KLK6: variants seen among roughly 807,000 people sequenced by gnomAD.
KLK6 encodes the protein kallikrein related peptidase 6, also known as kallikrein-6.
KLK6 carries 16 observed loss-of-function variants against 21.7 expected under a neutral mutation model. The observed-to-expected ratio is 0.74, with a 90% confidence interval of 0.50 to 1.12. The LOEUF is 1.12. Ranked by LOEUF, KLK6 falls within the 50% of genes most tolerant of loss-of-function variation. The probability of loss-of-function intolerance (pLI) is 0.00; values close to 1 mark genes in which losing one functional copy is unlikely to be tolerated. For missense variants in KLK6, 276 were observed against 304.6 expected, an observed-to-expected ratio of 0.91 and a Z score of 0.70; for synonymous variants, 116 against 120.1, an observed-to-expected ratio of 0.97 and a Z score of 0.22.
At chr19:50,966,502 A>T (rs2090927653) in intron 4 of KLK6, among the ~76,000 whole-genome samples, 1 of 152,212 alleles carries the variant, frequency 6.6e-6, no homozygotes, top group Non-Finnish European at 1.5e-5. Context: ...GGGTGCTTGT[A>T]AAAATGTAAA....
intron 6 of KLK6, among the ~76,000 whole-genome samples, chr19:50,959,767 AAGG>A (rs1342583446): frequency 4.8e-4 from 2 of 4,124 alleles, no homozygotes; most frequent in Non-Finnish European, 3.7e-4. Context: ...GGAAGAGGAG[AAGG>A]AGGAGGAGGA....
chr19:50,961,861 G>C lies in KLK6; in HGVS notation c.465C>G (p.Ile155Met), dbSNP rs779738082. The change falls in exon 6 of 7, where the codon ATC (isoleucine) becomes ATG (methionine). Residue 155 changes from isoleucine (I) to methionine (M), a missense_variant. By Grantham distance (10) the Ile-to-Met change is conservative. Transcript: ENST00000310157. ...KTADGDFPDT[I>M]QCAYIHLVSR... The stretch of plus-strand genomic sequence containing the variant: ...ACACCAGGTGGATGTATGCACACTG[G>C]ATGGTGTCAGGGAAATCACCTGTTA... 3.1e-6 allele frequency: 5 copies of C among 1,613,764 alleles called. No homozygotes were observed. The East Asian group carries it at 8.9e-5, about 29-fold the overall frequency.
intron 1 of KLK6, 122 bp from the exon 2 acceptor site, chr19:50,968,713 A>G: frequency 6.4e-6 from 1 of 156,424 alleles, no homozygotes; most frequent in Non-Finnish European, 1.4e-5. Flanking sequence ...GGCTGCAGGG[A>G]CTGCCAGACA....
chr19:50,968,167 C>A (rs2090957678), intron 2 of KLK6, 55 bp from the exon 3 acceptor site: 1 of 1,485,216 alleles, frequency 6.7e-7, no homozygotes, highest in Non-Finnish European at 9.4e-7. Context: ...TCCCCCCATC[C>A]CTCTGTCTGC....
At chr19:50,962,899 C>T (rs2090865462) in intron 5 of KLK6, 1 of 210,526 alleles carries the variant, frequency 4.8e-6, no homozygotes, top group Non-Finnish European at 9.7e-6. Flanking sequence ...CTTCAGTTGG[C>T]TTTTGTGCTT....
At position 50,965,290 on chromosome 19, in the gene KLK6, C is replaced by CT. The variant is rs60693532; in HGVS notation, c.198-1742dup. ...GCCCAATTTGCTGCTTCTTTCTTTC[C>CT]TTTTTTTTTTTTTAGACAGAGTCTC... is the stretch of plus-strand genomic sequence containing the variant. On this transcript the variant is annotated intron_variant, in intron 4 of 6. Transcript: ENST00000310157. 1.2e-3 allele frequency among the ~76,000 whole-genome samples: 157 copies of CT among 135,508 alleles called. 1 individual carries two copies. Among genetic ancestry groups the CT allele is most frequent in the Middle Eastern group, 4.2e-3 (1 of 236 alleles). The allele number at this position is 135,508 out of a possible 152,430, so 88.9% of individuals were successfully genotyped here. A position where few individuals can be genotyped will look rare whatever the true frequency, so the allele number is the denominator to read the frequency against.
At chr19:50,961,921 C>T in intron 5 of KLK6, 41 bp from the exon 6 acceptor site, 2 of 1,598,094 alleles carry the variant, frequency 1.3e-6, no homozygotes, top group East Asian at 2.2e-5. Flanking sequence ...CCAGGCCTTG[C>T]ACTCCCCTCA....
rs1034155503 is a variant in KLK6 at position 50,963,566 on chromosome 19, C to G, written c.198-17G>C. 5.6e-6 allele frequency: 9 copies of G among 1,613,172 alleles called. No homozygotes were observed. In the African/African-American group the frequency reaches 1.1e-4, roughly 19 times the overall value. ...TGAAGATTCCTGGGAAGGAAGAGGG[C>G]TGGGTCTCACCTGGAGCCCTTGGGC... is the stretch of plus-strand genomic sequence containing the variant. On this transcript the variant is annotated splice_polypyrimidine_tract_variant and intron_variant, in intron 4 of 6. Coordinates refer to ENST00000310157, the MANE Select transcript of KLK6 (RefSeq NM_002774.4).
At chr19:50,968,300 G>A (rs976319059) in intron 2 of KLK6, 188 bp from the exon 3 acceptor site, 4 of 647,086 alleles carry the variant, frequency 6.2e-6, no homozygotes, top group South Asian at 3.5e-5. Context: ...AGGATCCCAC[G>A]AAAACAGTGC....
intron 4 of KLK6, among the ~76,000 whole-genome samples, chr19:50,963,826 T>C (rs947290906): frequency 6.6e-6 from 1 of 152,198 alleles, no homozygotes; most frequent in Non-Finnish European, 1.5e-5. Flanking sequence ...CCATCTTGGT[T>C]TGAGCTGCCT....
chr19:50,966,201 G>T (rs1048751406), intron 4 of KLK6, among the ~76,000 whole-genome samples: 4 of 152,090 alleles, frequency 2.6e-5, no homozygotes, highest in African/African-American at 9.7e-5. Context: ...CACCCGGCCT[G>T]TTTCTCTTTC....
rs772152972 is a variant in KLK6, at chr19:50,963,447, G to A, written c.300C>T (p.Ala100=). The change falls in exon 5 of 7, where the codon GCC becomes GCT. Residue 100 remains alanine, a synonymous_variant. Transcript: ENST00000310157. ...VRAVIHPDYD[A]ASHDQDIMLL... The stretch of plus-strand genomic sequence containing the variant: ...GCATGATGTCCTGGTCATGGCTGGC[G>A]GCATCATAGTCAGGGTGGATCACAG... 10 of 1,614,174 alleles carry A rather than the reference G, an allele frequency of 6.2e-6. No individual in the cohort carries two copies. Among genetic ancestry groups the A allele is most frequent in the South Asian group, 1.1e-5 (1 of 91,086 alleles).
intron 4 of KLK6, among the ~76,000 whole-genome samples, chr19:50,964,051 C>T (rs2090888480): frequency 6.6e-6 from 1 of 152,192 alleles, no homozygotes. Context: ...CTTGCAAGCA[C>T]TGCCCCATCA....
At chr19:50,965,311 G>T (rs911395176) in intron 4 of KLK6, among the ~76,000 whole-genome samples, 1 of 149,434 alleles carries the variant, frequency 6.7e-6, no homozygotes, top group Non-Finnish European at 1.5e-5. Flanking sequence ...TTTAGACAGA[G>T]TCTCGCTCTG....
At chr19:50,968,192 C>G in intron 2 of KLK6, 80 bp from the exon 3 acceptor site, 3 of 1,284,346 alleles carry the variant, frequency 2.3e-6, no homozygotes, top group Non-Finnish European at 3.4e-6. Context: ...TCTGCATCCT[C>G]TCCTTCCTTC....
rs145988076 is a variant in KLK6 at position 50,963,476 on chromosome 19, G to A, written c.271C>T (p.Arg91Trp). Residue 91 changes from arginine to tryptophan, a missense_variant, in exon 5 of 7, where the codon CGG becomes TGG. Arg to Trp is a moderately radical substitution (Grantham distance 101). Transcript: ENST00000310157. ...ESSQEQSSVV[R>W]AVIHPDYDAA... ...TCATAGTCAGGGTGGATCACAGCCCGGACAACAGAACTCTGCTCCTGGGAA... is the reference window on the plus strand; with the variant it reads ...TCATAGTCAGGGTGGATCACAGCCCAGACAACAGAACTCTGCTCCTGGGAA... The A allele has an allele frequency of 3.4e-5, 55 of 1,614,116 alleles. No homozygotes were observed. Among genetic ancestry groups the A allele is most frequent in the African/African-American group, 3.1e-4 (23 of 75,002 alleles).
At chr19:50,960,687 G>T (rs1246280590) in intron 6 of KLK6, among the ~76,000 whole-genome samples, 3 of 152,002 alleles carry the variant, frequency 2.0e-5, no homozygotes, top group Non-Finnish European at 4.4e-5. Context: ...CTGCCTCCTG[G>T]GTTTAAGCAA....
At position 50,958,838 on chromosome 19, in the gene KLK6, CA is replaced by C. The variant is rs1435720886; in HGVS notation, c.*325del. ...ACAGTAAGCAGCGGAGCTGGGATTC[CA>C]GACACGTGGCTGGGCCTCTGCAGGA... On this transcript the variant is annotated 3_prime_UTR_variant, in exon 7 of 7. Transcript: ENST00000310157. 3.1e-6 allele frequency: 1 copy of C among 323,436 alleles called. No homozygotes were observed. Among genetic ancestry groups the C allele is most frequent in the Admixed American group, 4.5e-5 (1 of 22,300 alleles). The allele number at this position is 323,436 out of a possible 1,614,324, so 20.0% of individuals were successfully genotyped here. A position where few individuals can be genotyped will look rare whatever the true frequency, so the allele number is the denominator to read the frequency against.
At chr19:50,967,627 C>T (rs1339167840) in intron 3 of KLK6, among the ~76,000 whole-genome samples, 3 of 151,214 alleles carry the variant, frequency 2.0e-5, no homozygotes, top group East Asian at 3.9e-4. Context: ...CACTTGAGAC[C>T]CAAGAGTTCA....
Sources: gnomAD v4.1 joint callset for allele counts (sites outside exome capture counted in the v4.1 genomes callset) on GRCh38, gnomAD v4.1.1 for gene constraint, MANE v1.5 for transcripts, NCBI Gene and HGNC (gene_info 2026-07-23, HGNC 2026-07-21) for gene names.